The following DDHD1 variants were observed in gnomAD, a reference collection of about 807,000 sequenced individuals.
DDHD1 encodes the protein DDHD domain containing 1.
Under a neutral mutation model 96.4 loss-of-function variants are expected in DDHD1, and 49 were observed. The observed-to-expected ratio is 0.51, with a 90% CI of 0.40 to 0.64. The LOEUF is 0.64. DDHD1 is among the 30% of genes least tolerant of loss of function. The pLI is 0.00. For synonymous variants in DDHD1, 442 were observed against 446.5 expected (o/e 0.99, Z 0.13); for missense variants, 1,106 against 1,161.2 (o/e 0.95, Z 0.69).
chr14:53,059,063 A>C (rs1883308270), intron 8 of DDHD1, among the ~76,000 whole-genome samples: 1 of 152,154 alleles, frequency 6.6e-6, no homozygotes, highest in Admixed American at 6.6e-5. Flanking sequence ...AAGAGAGTGA[A>C]AAAAATAATT....
At chr14:53,137,462 C>A (rs575151524) in intron 1 of DDHD1, among the ~76,000 whole-genome samples, 1 of 152,158 alleles carries the variant, frequency 6.6e-6, no homozygotes, top group South Asian at 2.1e-4. Context: ...CTTGGTGGCA[C>A]ATGCCTGTAA....
chr14:53,117,066 G>A (rs1383319390), intron 1 of DDHD1, among the ~76,000 whole-genome samples: 6 of 152,012 alleles, frequency 3.9e-5, no homozygotes, highest in African/African-American at 1.4e-4. Context: ...ACATGAAAAT[G>A]ATAAAAGGGA....
chr14:53,151,751 C>T (rs1030471725), intron 1 of DDHD1, among the ~76,000 whole-genome samples: 7 of 152,224 alleles, frequency 4.6e-5, no homozygotes, highest in African/African-American at 1.4e-4. Context: ...CCTCTCCGAA[C>T]ACACCCAGTG....
In DDHD1 at chr14:53,063,055, G is replaced by A; in HGVS notation, c.1654C>T (p.Pro552Ser). ...ITYDIMTGWNPVRLYEQLLQK... is the reference protein window; with the variant it reads ...ITYDIMTGWNSVRLYEQLLQK... ...AGCAACTGTTCATACAGCCGAACTG[G>A]ATTCCAGCCAGTCATTATGTCATAA... The change falls in exon 7 of 13, where the codon CCA becomes TCA. Residue 552 changes from proline to serine, a missense_variant. Transcript: ENST00000673822. The A allele has an allele frequency of 6.2e-7, 1 of 1,614,054 alleles. No individual in the cohort carries two copies.
chr14:53,055,802 G>T lies in DDHD1; in HGVS notation c.2103C>A (p.Ser701Arg). 6.2e-7 allele frequency: 1 copy of T among 1,614,058 alleles called. No individual in the cohort carries two copies. The highest frequency in any genetic ancestry group is 8.5e-7 in the Non-Finnish European group (1 of 1,180,002). ...TAGGTTCTTTAGCTGGGTTGAGAAA[G>T]CTTGGCTTCATATGTTCATAAGGTA... ...NPLPYEHMKPSFLNPAKEPTS... is the reference protein window; with the variant it reads ...NPLPYEHMKPRFLNPAKEPTS... The change falls in exon 10 of 13, where the codon AGC becomes AGA. Residue 701 changes from serine (S) to arginine (R), a missense_variant. Physicochemically the swap from Ser to Arg is moderately radical, Grantham distance 110. This residue lies in a region of DDHD1 where 650 missense variants were observed against 758.8 expected (regional missense o/e 0.86). Coordinates refer to ENST00000673822, the MANE Select transcript of DDHD1 (RefSeq NM_001160148.2).
intron 7 of DDHD1, among the ~76,000 whole-genome samples, 198 bp downstream of exon 7, chr14:53,062,730 AATAACAAAAGAATTT>A (rs1883693508): frequency 6.6e-6 from 1 of 152,178 alleles, no homozygotes; most frequent in African/African-American, 2.4e-5. Flanking sequence ...AAACAAGGAG[AATAACAAAAGAATTT>A]ATTTTATGCT....
chr14:53,116,085 T>C (rs1422566519), intron 1 of DDHD1, among the ~76,000 whole-genome samples: 1 of 152,156 alleles, frequency 6.6e-6, no homozygotes, highest in Non-Finnish European at 1.5e-5. Context: ...TCCTAATCTC[T>C]AATAAAACAG....
chr14:53,060,128 A>G (rs1055827802), intron 8 of DDHD1, among the ~76,000 whole-genome samples: 2 of 152,192 alleles, frequency 1.3e-5, no homozygotes, highest in African/African-American at 2.4e-5. Flanking sequence ...TTCTTGTGAG[A>G]AAAGAAACAC....
chr14:53,127,514 T>G (rs915788763), intron 1 of DDHD1, among the ~76,000 whole-genome samples: 21 of 152,258 alleles, frequency 1.4e-4, no homozygotes. Flanking sequence ...TTTTAATTTG[T>G]GGAATATTGT....
chr14:53,096,265 T>C (rs1270397800), intron 2 of DDHD1: 2 of 857,100 alleles, frequency 2.3e-6, no homozygotes, highest in Non-Finnish European at 2.8e-6. Flanking sequence ...TTAAATGAGA[T>C]TTGCCATTTT....
intron 4 of DDHD1, among the ~76,000 whole-genome samples, chr14:53,088,621 C>T (rs1886182061): frequency 6.6e-6 from 1 of 152,172 alleles, no homozygotes; most frequent in African/African-American, 2.4e-5. Context: ...AATTCAACAG[C>T]ACTTCATGCT....
At chr14:53,093,208 A>T in intron 3 of DDHD1, 108 bp downstream of exon 3, 1 of 1,150,626 alleles carries the variant, frequency 8.7e-7, no homozygotes, top group Non-Finnish European at 1.1e-6. Context: ...CACTAAATTT[A>T]ATATACTTAA....
At chr14:53,120,438 G>A (rs1888898232) in intron 1 of DDHD1, among the ~76,000 whole-genome samples, 1 of 152,002 alleles carries the variant, frequency 6.6e-6, no homozygotes. Context: ...TGCAGAATTA[G>A]AAAAAAATAC....
chr14:53,110,651 C>A (rs1888033625), intron 1 of DDHD1, among the ~76,000 whole-genome samples: 1 of 152,108 alleles, frequency 6.6e-6, no homozygotes, highest in Admixed American at 6.5e-5. Flanking sequence ...GGTGTTATGT[C>A]TTCATACATC....
chr14:53,051,530 C>A (rs1336495588), intron 12 of DDHD1, among the ~76,000 whole-genome samples: 2 of 151,894 alleles, frequency 1.3e-5, no homozygotes, highest in African/African-American at 4.8e-5. Flanking sequence ...AAAGAAATAG[C>A]AAACCTCTTT....
At chr14:53,093,170 TAAA>T in intron 3 of DDHD1, 143 bp downstream of exon 3, 1 of 732,336 alleles carries the variant, frequency 1.4e-6, no homozygotes, top group Non-Finnish European at 2.0e-6. Context: ...ATCAACTTAA[TAAA>T]AGTTTCATTT....
rs1013094080 is a variant in DDHD1 at position 53,037,102 on chromosome 14, T to G, written c.*9666A>C. ...TCCATGTGGCTGGCTGCAAAGGACA[T>G]GATTTTGTTCTTTTTATGGCTGCCT... On this transcript the variant is annotated 3_prime_UTR_variant, in exon 13 of 13. Coordinates refer to ENST00000673822, the MANE Select transcript of DDHD1 (RefSeq NM_001160148.2). The G allele has an allele frequency of 6.6e-6, 1 of 152,148 alleles. No individual in the cohort carries two copies. Among genetic ancestry groups the G allele is most frequent in the Admixed American group, 6.6e-5 (1 of 15,258 alleles). 9.4% of individuals were successfully genotyped at this position (152,148 alleles called of 1,614,324 possible).
At chr14:53,072,754 C>A in intron 5 of DDHD1, 51 bp from the exon 6 acceptor site, 1 of 1,251,862 alleles carries the variant, frequency 8.0e-7, no homozygotes, top group Non-Finnish European at 1.1e-6. Flanking sequence ...GTCTCTGTTA[C>A]AGGAAAGTAA....
intron 8 of DDHD1, among the ~76,000 whole-genome samples, chr14:53,059,816 A>G (rs1883387164): frequency 7.0e-6 from 1 of 142,908 alleles, no homozygotes. Flanking sequence ...GTGGGCCAAG[A>G]TCACGCCACT....
Sources: gnomAD v4.1 joint callset for allele counts (sites outside exome capture counted in the v4.1 genomes callset) on GRCh38, gnomAD v4.1.1 for gene constraint, gnomAD v4.1.1 regional missense constraint, MANE v1.5 for transcripts, NCBI Gene and HGNC (gene_info 2026-07-23, HGNC 2026-07-21) for gene names.